GRM6: variants seen among roughly 807,000 people sequenced by gnomAD.
GRM6 encodes glutamate metabotropic receptor 6.
A neutral mutation model predicts 78.4 loss-of-function variants in GRM6; 73 were observed. The observed-to-expected ratio is 0.93, with a 90% confidence interval of 0.77 to 1.13. The LOEUF is 1.13. GRM6 is among the 50% of genes most tolerant of loss of function. The pLI, the probability that GRM6 is intolerant of heterozygous loss-of-function variation, is 0.00. For synonymous variants in GRM6, 580 were observed against 555.0 expected (o/e 1.05, Z -0.63); for missense variants, 1,251 against 1,256.4 (o/e 1.00, Z 0.07).
intron 9 of GRM6, chr5:178,985,378 G>A (rs1676455967): frequency 5.1e-6 from 2 of 391,310 alleles, no homozygotes; most frequent in Non-Finnish European, 1.0e-5. Flanking sequence ...GTCACAGGAG[G>A]GGAGGGGCTC....
At chr5:178,990,935 C>T (rs987391165) in intron 4 of GRM6, among the ~76,000 whole-genome samples, 189 bp from the exon 5 acceptor site, 1 of 152,200 alleles carries the variant, frequency 6.6e-6, no homozygotes, top group African/African-American at 2.4e-5. Context: ...GGCCTGCCCA[C>T]TTGCTCTGCC....
intron 5 of GRM6, 92 bp downstream of exon 5, chr5:178,990,500 G>C: frequency 9.6e-7 from 1 of 1,041,584 alleles, no homozygotes; most frequent in Non-Finnish European, 1.5e-6. Context: ...CTGGATTATG[G>C]CACCAATTAC....
chr5:178,986,973 T>C lies in GRM6; in HGVS notation c.1365A>G (p.Gly455=). 3 of 1,613,780 alleles carry C rather than the reference T, an allele frequency of 1.9e-6. No homozygotes were observed. Among genetic ancestry groups the C allele is most frequent in the Non-Finnish European group, 2.5e-6 (3 of 1,179,888 alleles). The change falls in exon 8 of 11, where the codon GGA becomes GGG. Residue 455 remains glycine, a synonymous_variant. Coordinates refer to ENST00000517717, the MANE Select transcript of GRM6 (RefSeq NM_000843.4). ...CGTTCTCGTTGAACATCACAGGGGT[T>C]CCTGCGCTGCCTGGAGAGAGAGTCC... The part of the protein sequence containing the change: ...IRAVRFNGSA[G]TPVMFNENGD...
At position 178,989,346 on chromosome 5, in the gene GRM6, C is replaced by T. The variant is rs751541548; in HGVS notation, c.1072G>A (p.Ala358Thr). ...LENNRRNIWF[A>T]EFWEENFNCK... ...TTAAAATTCTCTTCCCAGAACTCGG[C>T]GAACCAGATGTTCCTGCGGTTGTTC... Residue 358 changes from alanine (A) to threonine (T), a missense_variant, in exon 6 of 11, where the codon GCC (alanine) becomes ACC (threonine). By Grantham distance (58) the Ala-to-Thr change is moderately conservative. Transcript: ENST00000517717. The T allele has an allele frequency of 6.8e-6, 11 of 1,613,786 alleles. No homozygotes were observed. The highest frequency in any genetic ancestry group is 2.2e-5 in the East Asian group (1 of 44,892).
In GRM6 at chr5:178,981,054, C is replaced by T. The variant is rs10464050; in HGVS notation, c.*603G>A. 15,064 of 154,840 alleles carry T rather than the reference C, an allele frequency of 0.097. 997 individuals carry two copies. The highest frequency in any genetic ancestry group is 0.19 in the African/African-American group (7,723 of 41,468). The allele number at this position is 154,840 out of a possible 1,614,324, so 9.6% of individuals were successfully genotyped here. A position where few individuals can be genotyped will look rare whatever the true frequency, so the allele number is the denominator to read the frequency against. On this transcript the variant is annotated 3_prime_UTR_variant, in exon 11 of 11. Coordinates refer to ENST00000517717, the MANE Select transcript of GRM6 (RefSeq NM_000843.4). The surrounding 1 kb of genome is among the most constrained non-coding windows in gnomAD (Gnocchi z 5.1). The stretch of plus-strand genomic sequence containing the variant: ...CATGGCATTGGGAATCTCATGGGGG[C>T]GCACCCCAGTTCCTCAGCTCACTCC...
At chr5:178,985,714 A>AAAAAAAACAACACAGGAAC in intron 9 of GRM6, 1 of 388,482 alleles carries the variant, frequency 2.6e-6, no homozygotes, top group Non-Finnish European at 5.0e-6. Context: ...AAAAAAAAAA[A>AAAAAAAACAACACAGGAAC]CAAAACAACA....
intron 9 of GRM6, chr5:178,985,629 GA>G (rs1207394367): frequency 8.1e-6 from 3 of 372,398 alleles, no homozygotes; most frequent in Non-Finnish European, 1.6e-5. Context: ...CGTGAACCCG[GA>G]AGGCAGAGCT....
chr5:178,981,725 G>A lies in GRM6; in HGVS notation c.2566C>T (p.Arg856Trp), dbSNP rs202022128. The A allele has an allele frequency of 1.2e-4, 199 of 1,613,912 alleles. No homozygotes were observed. The highest frequency in any genetic ancestry group is 1.6e-4 in the Middle Eastern group (1 of 6,084). The change falls in exon 11 of 11, where the codon CGG becomes TGG. Residue 856 changes from arginine (R) to tryptophan (W), a missense_variant. Arg to Trp is a moderately radical substitution (Grantham distance 101, BLOSUM62 -3). Transcript: ENST00000517717. The surrounding 1 kb of genome is among the most constrained non-coding windows in gnomAD (Gnocchi z 5.1). ...HPEQNVQKRK[R>W]SLKATSTVAA... Reference sequence around the variant, plus strand: ...ACCGTGGAGGTGGCCTTGAGGCTCCGCTTTCGCTTCTGCACATTCTGCTCT... The same window carrying A: ...ACCGTGGAGGTGGCCTTGAGGCTCCACTTTCGCTTCTGCACATTCTGCTCT...
At position 178,986,337 on chromosome 5, in the gene GRM6, G is replaced by T. The variant is rs1056667147; in HGVS notation, c.1917C>A (p.Phe639Leu). The T allele has an allele frequency of 5.6e-6, 9 of 1,614,022 alleles. No individual in the cohort carries two copies. The highest frequency in any genetic ancestry group is 7.6e-6 in the Non-Finnish European group (9 of 1,180,012). The change falls in exon 9 of 11, where the codon TTC becomes TTA. Residue 639 changes from phenylalanine to leucine, a missense_variant. Coordinates refer to ENST00000517717, the MANE Select transcript of GRM6 (RefSeq NM_000843.4). ...CGGCCCCAGGCTCAGCCACCATGAGGAAGGTGATGGCGTAGATGAGGAAGA... is the reference window on the plus strand; with the variant it reads ...CGGCCCCAGGCTCAGCCACCATGAGTAAGGTGATGGCGTAGATGAGGAAGA... ...TGIFLIYAIT[F>L]LMVAEPGAAV...
In GRM6 at chr5:178,991,824, C is replaced by T. The variant is rs1760681137; in HGVS notation, c.721+43G>A. On this transcript the variant is annotated intron_variant, in intron 3 of 10. Transcript: ENST00000517717. The surrounding 1 kb of genome is among the most constrained non-coding windows in gnomAD (Gnocchi z 5.0). Reference sequence around the variant, plus strand: ...CTGCCCCAACTGAGGGCCCCGGGCCCACACTATGTAGACTCCTTGGTGCCT... The same window carrying T: ...CTGCCCCAACTGAGGGCCCCGGGCCTACACTATGTAGACTCCTTGGTGCCT... The T allele has an allele frequency of 6.5e-7, 1 of 1,539,376 alleles. No individual in the cohort carries two copies. Among genetic ancestry groups the T allele is most frequent in the Non-Finnish European group, 9.0e-7 (1 of 1,114,626 alleles).
Position 178,986,552 on chromosome 5 carries a change from G to A in GRM6, c.1702C>T (p.His568Tyr), listed in dbSNP as rs1274739677. 4 of 1,607,620 alleles carry A rather than the reference G, an allele frequency of 2.5e-6. No homozygotes were observed. The African/African-American group carries it at 5.3e-5, about 21-fold the overall frequency. The change falls in exon 9 of 11, where the codon CAC (histidine) becomes TAC (tyrosine). Residue 568 changes from histidine to tyrosine, a missense_variant. Physicochemically the swap from His to Tyr is moderately conservative, Grantham distance 83. Transcript: ENST00000517717. ...CPGDMRPTPN[H>Y]TGCRPTPVVR... ...ACAGGTGTGGGGCGGCAGCCCGTGT[G>A]GTTGGGCGTGGGCCTCATGTCCCCA...
chr5:178,980,793 C>T lies in GRM6; in HGVS notation c.*864G>A, dbSNP rs913469156. On this transcript the variant is annotated 3_prime_UTR_variant, in exon 11 of 11. Coordinates refer to ENST00000517717, the MANE Select transcript of GRM6 (RefSeq NM_000843.4). This position sits in a 1 kb window ranked among gnomAD's most constrained non-coding sequence, Gnocchi z 4.3. Reference sequence around the variant, plus strand: ...GGATTACAGGCACCCACCATCACACCTGGCTAATTTTTGTATTTTTAGTAG... The same window carrying T: ...GGATTACAGGCACCCACCATCACACTTGGCTAATTTTTGTATTTTTAGTAG... The T allele has an allele frequency of 6.6e-6, 1 of 152,284 alleles. No homozygotes were observed. Among genetic ancestry groups the T allele is most frequent in the Admixed American group, 6.5e-5 (1 of 15,270 alleles). 9.4% of individuals were successfully genotyped at this position (152,284 alleles called of 1,614,324 possible). A position where few individuals can be genotyped will look rare whatever the true frequency, so the allele number is the denominator to read the frequency against.
At position 178,991,352 on chromosome 5, in the gene GRM6, G is replaced by T; in HGVS notation, c.857+72C>A. On this transcript the variant is annotated intron_variant, in intron 4 of 10. Coordinates refer to ENST00000517717, the MANE Select transcript of GRM6 (RefSeq NM_000843.4). This position sits in a 1 kb window ranked among gnomAD's most constrained non-coding sequence, Gnocchi z 5.0. Reference sequence around the variant, plus strand: ...GGAGGCAGGGAGAGTGTGTAAGGTGGCGATGTGCAAGAGGAGGGGTGGGAC... The same window carrying T: ...GGAGGCAGGGAGAGTGTGTAAGGTGTCGATGTGCAAGAGGAGGGGTGGGAC... 7.3e-7 allele frequency: 1 copy of T among 1,377,398 alleles called. No individual in the cohort carries two copies. The highest frequency in any genetic ancestry group is 1.0e-6 in the Non-Finnish European group (1 of 966,894). 85.3% of individuals were successfully genotyped at this position (1,377,398 alleles called of 1,614,324 possible).
intron 5 of GRM6, 89 bp from the exon 6 acceptor site, chr5:178,989,494 T>C (rs960376045): frequency 6.5e-7 from 1 of 1,543,658 alleles, no homozygotes; most frequent in Non-Finnish European, 8.9e-7. Flanking sequence ...CACTTTCAGC[T>C]AGGAGTGGCC....
At chr5:178,984,277 G>A (rs1402164430) in intron 9 of GRM6, among the ~76,000 whole-genome samples, 1 of 118,740 alleles carries the variant, frequency 8.4e-6, no homozygotes, top group Non-Finnish European at 2.0e-5. Context: ...CCCGTGGAGT[G>A]GGGAGCGAGC....
Position 178,986,173 on chromosome 5 carries a change from G to A in GRM6, c.2081C>T (p.Pro694Leu), listed in dbSNP as rs1489911945. ...RSVTPPPFISPTSQLVITFSL... is the reference protein window; with the variant it reads ...RSVTPPPFISLTSQLVITFSL... The stretch of plus-strand genomic sequence containing the variant: ...GAAGGTGATGACCAGCTGTGAGGTG[G>A]GGCTGATGAAGGGAGGGGGTGTGAC... Residue 694 changes from proline (P) to leucine (L), a missense_variant, in exon 9 of 11, where the codon CCC becomes CTC. Transcript: ENST00000517717. 6 of 1,613,846 alleles carry A rather than the reference G, an allele frequency of 3.7e-6. No individual in the cohort carries two copies. Among genetic ancestry groups the A allele is most frequent in the East Asian group, 2.2e-5 (1 of 44,882 alleles).
intron 9 of GRM6, 149 bp downstream of exon 9, chr5:178,985,981 C>T (rs767770473): frequency 1.7e-5 from 12 of 711,470 alleles, no homozygotes; most frequent in South Asian, 5.7e-5. Context: ...AGGCTGGTCT[C>T]GAACTCCTGG....
At position 178,988,538 on chromosome 5, in the gene GRM6, A is replaced by G. The variant is rs570095832; in HGVS notation, c.1354+397T>C. ...TCAGACCCACGCCTGTGCCTGGCGC[A>G]TGACTCAGAGTGGGCGGCATGTCCC... On this transcript the variant is annotated intron_variant, in intron 7 of 10. Transcript: ENST00000517717. The surrounding 1 kb of genome is among the most constrained non-coding windows in gnomAD (Gnocchi z 6.0). Among the ~76,000 whole-genome samples the G allele has an allele frequency of 6.6e-6, 1 of 152,326 alleles. No individual in the cohort carries two copies. The highest frequency in any genetic ancestry group is 6.5e-5 in the Admixed American group (1 of 15,302).
At position 178,989,441 on chromosome 5, in the gene GRM6, C is replaced by T. The variant is rs753565860; in HGVS notation, c.1013-36G>A. 1.2e-5 allele frequency: 19 copies of T among 1,613,148 alleles called. No homozygotes were observed. The Admixed American group carries it at 3.2e-4, about 27-fold the overall frequency. On this transcript the variant is annotated intron_variant, in intron 5 of 10. Transcript: ENST00000517717. ...GGAAGAAGGGGGAGGGTGGCGCTGA[C>T]CTGAGCCAGCTGTGTTTCTCCTGTG...
Sources: allele counts gnomAD v4.1 joint callset (sites outside exome capture counted in the v4.1 genomes callset), GRCh38; gene constraint gnomAD v4.1.1; non-coding constraint Gnocchi (gnomAD v3.1); transcripts MANE v1.5; gene names NCBI Gene and HGNC (gene_info 2026-07-23, HGNC 2026-07-21).